DCAF6: variants seen among roughly 807,000 people sequenced by gnomAD.
The protein encoded by DCAF6 is DDB1 and CUL4 associated factor 6.
A neutral mutation model predicts 125.1 loss-of-function variants in DCAF6; 54 were observed. The ratio of observed to expected loss-of-function variants is 0.43; its 90% confidence interval spans 0.35 to 0.54. The LOEUF (loss-of-function observed/expected upper bound fraction) is 0.54, where lower values mean the gene tolerates loss of function less well. DCAF6 is among the 20% of genes least tolerant of loss of function. The pLI, the probability that DCAF6 is intolerant of heterozygous loss-of-function variation, is 0.01. For synonymous variants in DCAF6, 371 were observed against 390.4 expected (o/e 0.95, Z 0.58); for missense variants, 934 against 1,161.7 (o/e 0.80, Z 2.85).
the DCAF6 span, among the ~76,000 whole-genome samples, chr1:167,909,875 G>A: frequency 2.0e-5 from 3 of 152,196 alleles, no homozygotes; most frequent in Non-Finnish European, 2.9e-5. Flanking sequence ...TGAAGAGAAA[G>A]AGGAAGTAAA....
At chr1:167,905,338 A>C in the DCAF6 span, 1 of 685,778 alleles carries the variant, frequency 1.5e-6, no homozygotes, top group Non-Finnish European at 2.5e-6. Flanking sequence ...CACACTTCAA[A>C]AGGGCCAATT....
intron 4 of DCAF6, among the ~76,000 whole-genome samples, chr1:167,976,925 C>CG (rs938014875): frequency 1.4e-5 from 1 of 69,726 alleles, no homozygotes; most frequent in Non-Finnish European, 2.6e-5. Context: ...TTTTTTGAGA[C>CG]GGAGTTTCGC....
upstream of DCAF6, among the ~76,000 whole-genome samples, chr1:167,933,929 A>AT (rs1310553059): frequency 6.6e-6 from 1 of 152,200 alleles, no homozygotes; most frequent in Non-Finnish European, 1.5e-5. Context: ...AGATCATCTG[A>AT]TTTTCACAAC....
At chr1:167,925,462 T>TACAC in the DCAF6 span, among the ~76,000 whole-genome samples, 1 of 119,552 alleles carries the variant, frequency 8.4e-6, no homozygotes, top group African/African-American at 3.8e-5. Context: ...TATATATATA[T>TACAC]ATATATATAT....
At chr1:168,011,604 A>T (rs1015396431) in intron 10 of DCAF6, among the ~76,000 whole-genome samples, 3 of 152,216 alleles carry the variant, frequency 2.0e-5, no homozygotes, top group Non-Finnish European at 4.4e-5. Flanking sequence ...AAAGCCCCAA[A>T]TCCAAATTAT....
upstream of DCAF6, among the ~76,000 whole-genome samples, chr1:167,932,424 T>A (rs1670936665): frequency 6.6e-6 from 1 of 152,174 alleles, no homozygotes. Flanking sequence ...GTGCACCCCT[T>A]GGGATGACTT....
the DCAF6 span, among the ~76,000 whole-genome samples, chr1:167,866,811 C>T: frequency 3.3e-5 from 5 of 149,932 alleles, no homozygotes; most frequent in East Asian, 7.9e-4. Flanking sequence ...GGAGTTTTAA[C>T]CCAGACTGTA....
At chr1:167,928,588 T>G in the DCAF6 span, among the ~76,000 whole-genome samples, 1 of 152,164 alleles carries the variant, frequency 6.6e-6, no homozygotes, top group Non-Finnish European at 1.5e-5. Flanking sequence ...AACATAAAGT[T>G]TTGACAAAAC....
chr1:167,973,765 T>C (rs80130471), intron 3 of DCAF6, among the ~76,000 whole-genome samples: 2,525 of 151,856 alleles, frequency 0.017, 64 homozygotes, highest in African/African-American at 0.058. Flanking sequence ...CACCTCTCTA[T>C]TGTATATCTG....
intron 13 of DCAF6, among the ~76,000 whole-genome samples, chr1:168,040,843 C>T (rs1213883412): frequency 7.1e-6 from 1 of 140,128 alleles, no homozygotes; most frequent in East Asian, 2.0e-4. Flanking sequence ...GTCAGAAAAG[C>T]AGTTAGCATT....
At chr1:167,961,918 G>T (rs1440316030) in intron 2 of DCAF6, among the ~76,000 whole-genome samples, 1 of 152,130 alleles carries the variant, frequency 6.6e-6, no homozygotes, top group African/African-American at 2.4e-5. Context: ...TGATTTCATT[G>T]AATTCAGAAT....
At chr1:167,867,423 C>G in the DCAF6 span, among the ~76,000 whole-genome samples, 30 of 152,266 alleles carry the variant, frequency 2.0e-4, no homozygotes, top group African/African-American at 6.7e-4. Context: ...GAGAACTGTT[C>G]CCAGTATATA....
In DCAF6 at chr1:167,991,223, G is replaced by A. The variant is rs757382904; in HGVS notation, c.572G>A (p.Arg191Gln). The A allele has an allele frequency of 1.8e-5, 29 of 1,611,310 alleles. No individual in the cohort carries two copies. Among genetic ancestry groups the A allele is most frequent in the Non-Finnish European group, 2.4e-5 (28 of 1,179,394 alleles). The stretch of plus-strand genomic sequence containing the variant: ...TTGTAGGATATTTTAATTAACTGTC[G>A]ACGTGCTGCCACGTCTGTTGCTATT... ...DCKDDILINC[R>Q]RAATSVAICP... The change falls in exon 6 of 22, where the codon CGA (arginine) becomes CAA (glutamine). Residue 191 changes from arginine (R) to glutamine (Q), a missense_variant. Arg to Gln is a conservative substitution (Grantham distance 43, BLOSUM62 1). Transcript: ENST00000367840.
At chr1:168,046,020 A>G (rs996917708) in intron 16 of DCAF6, among the ~76,000 whole-genome samples, 2 of 152,086 alleles carry the variant, frequency 1.3e-5, no homozygotes, top group African/African-American at 4.8e-5. Context: ...TATGCTCAAT[A>G]TATTGCTGTT....
At chr1:167,939,058 A>T (rs894382881) in intron 1 of DCAF6, among the ~76,000 whole-genome samples, 2 of 152,320 alleles carry the variant, frequency 1.3e-5, no homozygotes, top group Non-Finnish European at 2.9e-5. Flanking sequence ...GTGGTTTTCT[A>T]AGTACTTGAA....
At chr1:167,913,148 G>A in the DCAF6 span, among the ~76,000 whole-genome samples, 67,214 of 151,912 alleles carry the variant, frequency 0.44, 16,797 homozygotes, top group African/African-American at 0.67. Flanking sequence ...CTGACAAAGC[G>A]CGGAAGCACC....
chr1:168,045,578 C>T (rs1018389659), intron 16 of DCAF6, among the ~76,000 whole-genome samples: 1 of 152,084 alleles, frequency 6.6e-6, no homozygotes, highest in East Asian at 1.9e-4. Flanking sequence ...ATATCCAGGC[C>T]TTTATCAGTG....
At position 167,938,347 on chromosome 1, in the gene DCAF6, G is replaced by A. The variant is rs1017873949; in HGVS notation, c.97+1339G>A. On this transcript the variant is annotated intron_variant, in intron 1 of 21. Coordinates refer to ENST00000367840, the MANE Select transcript of DCAF6 (RefSeq NM_001198956.2). ...ATTGTTTTCACTTCTCCACATTTTG[G>A]AGATCTTTCCATGGCAGTAAAAATA... is the stretch of plus-strand genomic sequence containing the variant. Among the ~76,000 whole-genome samples the A allele has an allele frequency of 1.4e-4, 21 of 152,206 alleles. No homozygotes were observed. In the East Asian group the frequency reaches 3.7e-3, roughly 27 times the overall value.
At chr1:167,997,997 A>G (rs1682000854) in intron 7 of DCAF6, among the ~76,000 whole-genome samples, 2 of 152,190 alleles carry the variant, frequency 1.3e-5, no homozygotes, top group Non-Finnish European at 2.9e-5. Flanking sequence ...AAGACAGACA[A>G]TAACAAGTTT....
Sources: gnomAD v4.1 joint callset for allele counts (sites outside exome capture counted in the v4.1 genomes callset) on GRCh38, gnomAD v4.1.1 for gene constraint, MANE v1.5 for transcripts, NCBI Gene and HGNC (gene_info 2026-07-23, HGNC 2026-07-21) for gene names.